PRKCZ: variants seen among roughly 807,000 people sequenced by gnomAD.
The protein encoded by PRKCZ is protein kinase C zeta.
A neutral mutation model predicts 79.5 loss-of-function variants in PRKCZ; 33 were observed. The observed-to-expected ratio is 0.41, with a 90% CI of 0.31 to 0.55. The LOEUF is 0.55. Ranked by LOEUF, PRKCZ falls within the 20% of genes least tolerant of loss-of-function variation. The pLI is 0.19. For synonymous variants in PRKCZ, 342 were observed against 320.9 expected, an observed-to-expected ratio of 1.07 and a Z score of -0.70; for missense variants, 578 against 813.5, an observed-to-expected ratio of 0.71 and a Z score of 3.52.
At position 2,157,351 on chromosome 1, in the gene PRKCZ, A is replaced by G. The variant is rs553768532; in HGVS notation, c.974+1259A>G. Among the ~76,000 whole-genome samples the G allele has an allele frequency of 2.6e-5, 4 of 152,016 alleles. No homozygotes were observed. The East Asian group carries it at 7.7e-4, about 29-fold the overall frequency. On this transcript the variant is annotated intron_variant, in intron 10 of 17. Transcript: ENST00000378567. The stretch of plus-strand genomic sequence containing the variant: ...GAATTCACCATCACGAGCATAAGGC[A>G]TCCTGTTCAGGCACACACAGTTTGG...
intron 4 of PRKCZ, among the ~76,000 whole-genome samples, chr1:2,087,670 A>G (rs1383006136): frequency 1.3e-5 from 2 of 152,178 alleles, no homozygotes; most frequent in Admixed American, 1.3e-4. Context: ...GTGCGATGCC[A>G]GCAGAAAGAC....
chr1:2,126,858 C>G (rs1674006243), intron 4 of PRKCZ, among the ~76,000 whole-genome samples: 2 of 152,228 alleles, frequency 1.3e-5, no homozygotes, highest in South Asian at 4.1e-4. Flanking sequence ...CCTCCTGGGT[C>G]CCTTATCCAC....
intron 4 of PRKCZ, among the ~76,000 whole-genome samples, chr1:2,112,992 C>T (rs2102734186): frequency 6.6e-6 from 1 of 152,268 alleles, no homozygotes; most frequent in East Asian, 1.9e-4. Context: ...GCGCCCGGCC[C>T]CATTTTCTTT....
intron 4 of PRKCZ, among the ~76,000 whole-genome samples, chr1:2,084,271 G>A (rs1664094580): frequency 6.6e-6 from 1 of 152,202 alleles, no homozygotes. Flanking sequence ...TCGCATATTG[G>A]CTGTTAGGAA....
In PRKCZ at chr1:2,168,614, C is replaced by T. The variant is rs947101071; in HGVS notation, c.975-904C>T. ...CTTAATTCTGGGAGCTTGTGGAGGG[C>T]AGGAGCAGGGACAGGTGCCTTGAGG... is the stretch of plus-strand genomic sequence containing the variant. On this transcript the variant is annotated intron_variant, in intron 10 of 17. Coordinates refer to ENST00000378567, the MANE Select transcript of PRKCZ (RefSeq NM_002744.6). The surrounding 1 kb of genome is among the most constrained non-coding windows in gnomAD (Gnocchi z 4.7). Among the ~76,000 whole-genome samples, 3 of 152,158 alleles carry T rather than the reference C, an allele frequency of 2.0e-5. No homozygotes were observed. The highest frequency in any genetic ancestry group is 4.4e-5 in the Non-Finnish European group (3 of 68,022).
Position 2,123,254 on chromosome 1 carries a change from A to G in PRKCZ, c.335-12008A>G, listed in dbSNP as rs187643618. The stretch of plus-strand genomic sequence containing the variant: ...TAGGGTCGTGGCGGTGGTTAGGTTC[A>G]TGGTGGTGGTTAGGGTCGTGGTGGT... On this transcript the variant is annotated intron_variant, in intron 4 of 17. Transcript: ENST00000378567. Among the ~76,000 whole-genome samples, 12 of 3,334 alleles carry G rather than the reference A, an allele frequency of 3.6e-3. 2 individuals are homozygous for G. Among genetic ancestry groups the G allele is most frequent in the Non-Finnish European group, 5.2e-3 (12 of 2,328 alleles). 2.2% of individuals were successfully genotyped at this position (3,334 alleles called of 152,430 possible).
chr1:2,123,927 T>C (rs377418024), intron 4 of PRKCZ, among the ~76,000 whole-genome samples: 9 of 19,054 alleles, frequency 4.7e-4, no homozygotes, highest in Non-Finnish European at 8.5e-4. Context: ...GTCACGGCGG[T>C]GGTTAGGGTC....
chr1:2,160,862 G>A (rs1215897024), intron 10 of PRKCZ, among the ~76,000 whole-genome samples: 2 of 152,154 alleles, frequency 1.3e-5, no homozygotes, highest in South Asian at 2.1e-4. Flanking sequence ...CCCGCCGGGG[G>A]TGATTGTGGT....
intron 2 of PRKCZ, chr1:2,055,893 G>A (rs1327888813): frequency 4.0e-6 from 1 of 251,576 alleles, no homozygotes; most frequent in Non-Finnish European, 7.6e-6. Context: ...GCTTCTGAAA[G>A]GATGGGCTCT....
rs914292760 is a variant in PRKCZ, at chr1:2,173,353, C to T, written c.1286-544C>T. Among the ~76,000 whole-genome samples the T allele has an allele frequency of 3.3e-5, 5 of 152,102 alleles. No homozygotes were observed. The highest frequency in any genetic ancestry group is 1.2e-4 in the African/African-American group (5 of 41,422). On this transcript the variant is annotated intron_variant, in intron 13 of 17. Coordinates refer to ENST00000378567, the MANE Select transcript of PRKCZ (RefSeq NM_002744.6). The surrounding 1 kb of genome is among the most constrained non-coding windows in gnomAD (Gnocchi z 5.7). ...GGGATTCCGTGTGGGACAGCGGCAG[C>T]GTCTCACCTCAGCAGGGACCAGGGG...
At chr1:2,171,683 G>T in intron 11 of PRKCZ, 1 of 182,860 alleles carries the variant, frequency 5.5e-6, no homozygotes. Context: ...TTTAATTTTC[G>T]AGGACCTGCC....
In PRKCZ at chr1:2,150,780, C is replaced by G. The variant is rs775686221; in HGVS notation, c.688-10C>G. On this transcript the variant is annotated splice_polypyrimidine_tract_variant and intron_variant, in intron 8 of 17. Coordinates refer to ENST00000378567, the MANE Select transcript of PRKCZ (RefSeq NM_002744.6). ...CTCTCACTTTCTGGGGTCTTGTTCT[C>G]CCTCCCTAGGACCTTAAGCCAGTTA... The G allele has an allele frequency of 3.1e-6, 5 of 1,608,248 alleles. No individual in the cohort carries two copies. The South Asian group carries it at 4.4e-5, about 14-fold the overall frequency.
At position 2,110,118 on chromosome 1, in the gene PRKCZ, G is replaced by C. The variant is rs997006103; in HGVS notation, c.335-25144G>C. 3.2e-5 allele frequency among the ~76,000 whole-genome samples: 3 copies of C among 95,234 alleles called. No individual in the cohort carries two copies. In the South Asian group the frequency reaches 1.3e-3, roughly 40 times the overall value. 62.5% of individuals were successfully genotyped at this position (95,234 alleles called of 152,430 possible). A position where few individuals can be genotyped will look rare whatever the true frequency, so the allele number is the denominator to read the frequency against. ...ACACAGAACGGCCAGGGCTGAATCC[G>C]GGGCCCTCCCTGGGGGCAGCCAAGG... On this transcript the variant is annotated intron_variant, in intron 4 of 17. Transcript: ENST00000378567.
intron 4 of PRKCZ, chr1:2,098,632 ACCAAATAG>A (rs1666934113): frequency 6.6e-6 from 1 of 152,102 alleles, no homozygotes; most frequent in African/African-American, 2.4e-5. Flanking sequence ...CTCACTCAGG[ACCAAATAG>A]TGATGGTTTT....
intron 4 of PRKCZ, among the ~76,000 whole-genome samples, chr1:2,095,637 C>G (rs1430472177): frequency 6.6e-6 from 1 of 152,062 alleles, no homozygotes; most frequent in African/African-American, 2.4e-5. Flanking sequence ...TGCCCTGCCC[C>G]TGTCTCCCGC....
chr1:2,166,040 G>T (rs561825569), intron 10 of PRKCZ, among the ~76,000 whole-genome samples: 1 of 152,186 alleles, frequency 6.6e-6, no homozygotes, highest in Non-Finnish European at 1.5e-5. Context: ...TCTGCGTCTC[G>T]CCTGGTTCCT....
chr1:2,080,338 G>A (rs1030137791), intron 4 of PRKCZ, among the ~76,000 whole-genome samples: 3 of 152,112 alleles, frequency 2.0e-5, no homozygotes, highest in Admixed American at 6.5e-5. Context: ...GCGCGTGGAC[G>A]TGGCGGTGCG....
At chr1:2,124,327 G>C (rs75913925) in intron 4 of PRKCZ, among the ~76,000 whole-genome samples, 2 of 54,876 alleles carry the variant, frequency 3.6e-5, no homozygotes, top group Non-Finnish European at 7.3e-5. Context: ...TGGTGGTTAG[G>C]GTCACGGTGG....
rs573507359 is a variant in PRKCZ, at chr1:2,055,480, C to T, written c.111C>T (p.Phe37=). The change falls in exon 2 of 18, where the codon TTC becomes TTT. Residue 37 remains phenylalanine, a synonymous_variant. Transcript: ENST00000378567. ...FITSVDAATT[F]EELCEEVRDM... is the part of the protein sequence containing the mutation. ...CCAGCGTGGACGCCGCCACGACCTT[C>T]GAGGAGCTCTGTGAGGAAGTGAGAG... The T allele has an allele frequency of 1.7e-5, 28 of 1,614,012 alleles. No individual in the cohort carries two copies. The highest frequency in any genetic ancestry group is 6.6e-5 in the South Asian group (6 of 91,062).
Sources: gnomAD v4.1 joint callset for allele counts (sites outside exome capture counted in the v4.1 genomes callset) on GRCh38, gnomAD v4.1.1 for gene constraint, Gnocchi (gnomAD v3.1) non-coding constraint, MANE v1.5 for transcripts, NCBI Gene and HGNC (gene_info 2026-07-23, HGNC 2026-07-21) for gene names.